SGMS1: variants seen among roughly 807,000 people sequenced by gnomAD.
The protein encoded by SGMS1 is sphingomyelin synthase 1.
Under a neutral mutation model 46.2 loss-of-function variants are expected in SGMS1, and 13 were observed. The observed-to-expected ratio is 0.28, with a 90% CI of 0.18 to 0.45. The LOEUF is 0.45. SGMS1 is among the 20% of genes least tolerant of loss of function. The pLI is 1.00. For synonymous variants in SGMS1, 203 were observed against 187.8 expected (o/e 1.08, Z -0.66); for missense variants, 324 against 519.9 (o/e 0.62, Z 3.66).
intron 6 of SGMS1, among the ~76,000 whole-genome samples, chr10:50,406,321 T>C (rs151081009): frequency 1.3e-5 from 2 of 152,348 alleles, no homozygotes; most frequent in Non-Finnish European, 2.9e-5. Flanking sequence ...ATCAGACTCC[T>C]GTCGGATGTG....
chr10:50,502,508 G>C (rs748093280), intron 3 of SGMS1, among the ~76,000 whole-genome samples: 7 of 152,024 alleles, frequency 4.6e-5, no homozygotes, highest in Non-Finnish European at 8.8e-5. Context: ...TCTCTATCTG[G>C]AAAGTTTAGT....
intron 5 of SGMS1, among the ~76,000 whole-genome samples, chr10:50,441,141 T>C (rs1489977573): frequency 6.6e-6 from 1 of 152,198 alleles, no homozygotes. Context: ...ATGCTTTCAT[T>C]TGTAGAACTT....
At chr10:50,408,448 A>C (rs1456023406) in intron 6 of SGMS1, among the ~76,000 whole-genome samples, 3 of 148,548 alleles carry the variant, frequency 2.0e-5, no homozygotes, top group South Asian at 2.1e-4. Flanking sequence ...AAAAAAAAAA[A>C]AAAAAAACAA....
intron 4 of SGMS1, among the ~76,000 whole-genome samples, chr10:50,463,282 T>C (rs1451764215): frequency 6.6e-6 from 1 of 152,132 alleles, no homozygotes; most frequent in Admixed American, 6.5e-5. Flanking sequence ...TGACAAAGTG[T>C]TAATATCCAG....
chr10:50,313,459 G>A lies in SGMS1; in HGVS notation c.742-2044C>T, dbSNP rs138877974. Among the ~76,000 whole-genome samples, 52 of 152,280 alleles carry A rather than the reference G, an allele frequency of 3.4e-4. 1 individual carries two copies. The highest frequency in any genetic ancestry group is 1.2e-3 in the African/African-American group (49 of 41,558). ...GAGTTGAAGGAGAATAGGAAAAGGC[G>A]CTGTTGGGGTCAGGACCAGGAGACT... On this transcript the variant is annotated intron_variant, in intron 8 of 10. Coordinates refer to ENST00000361781, the MANE Select transcript of SGMS1 (RefSeq NM_147156.4).
Position 50,307,532 on chromosome 10 carries a change from G to A in SGMS1, c.1063-211C>T, listed in dbSNP as rs971316360. On this transcript the variant is annotated intron_variant, in intron 10 of 10. Transcript: ENST00000361781. The surrounding 1 kb of genome is among the most constrained non-coding windows in gnomAD (Gnocchi z 4.2). ...AGAAAAACAACGCCAATTCTGGGAG[G>A]GCAAGGAGAACTTATGGCTCACTCA... 6.6e-6 allele frequency among the ~76,000 whole-genome samples: 1 copy of A among 151,944 alleles called. No homozygotes were observed. Among genetic ancestry groups the A allele is most frequent in the Non-Finnish European group, 1.5e-5 (1 of 68,010 alleles).
chr10:50,580,449 C>T lies in SGMS1; in HGVS notation c.-589+9704G>A, dbSNP rs568326820. On this transcript the variant is annotated intron_variant, in intron 2 of 10. Transcript: ENST00000361781. ...ACCCCCCCCCAAACCCCTCAACCCT[C>T]ACTTATAGAGACAAGGGAATCACCT... Among the ~76,000 whole-genome samples, 4 of 151,642 alleles carry T rather than the reference C, an allele frequency of 2.6e-5. No homozygotes were observed. The South Asian group carries it at 8.4e-4, about 32-fold the overall frequency.
chr10:50,608,366 A>G (rs1838716240), intron 1 of SGMS1, among the ~76,000 whole-genome samples: 1 of 152,202 alleles, frequency 6.6e-6, no homozygotes, highest in South Asian at 2.1e-4. Context: ...AAAGGGTAAG[A>G]GAAGAGGAGG....
chr10:50,372,806 G>A (rs1197962108), intron 6 of SGMS1, among the ~76,000 whole-genome samples: 1 of 152,154 alleles, frequency 6.6e-6, no homozygotes, highest in Non-Finnish European at 1.5e-5. Context: ...AAATCAGTGA[G>A]CCCTACTGGC....
chr10:50,624,268 A>G (rs1838891986), upstream of SGMS1: 1 of 355,740 alleles, frequency 2.8e-6, no homozygotes, highest in Non-Finnish European at 3.9e-6. Flanking sequence ...GCAGGGCCGG[A>G]GACGGGAGCC....
intron 6 of SGMS1, among the ~76,000 whole-genome samples, chr10:50,359,876 A>C (rs1031714530): frequency 2.6e-5 from 4 of 152,180 alleles, no homozygotes; most frequent in Non-Finnish European, 5.9e-5. Flanking sequence ...CATATTACAA[A>C]TATCCACAGG....
rs780405053 is a variant in SGMS1, at chr10:50,462,080, A to ATATGT, written c.-454-1267_-454-1266insACATA. Among the ~76,000 whole-genome samples the ATATGT allele has an allele frequency of 2.3e-3, 348 of 152,184 alleles. 2 individuals carry two copies. The highest frequency in any genetic ancestry group is 5.4e-3 in the South Asian group (26 of 4,820). ...ATTGCAGCACTAGCCTAGGCAACAA[A>ATATGT]ACGAGACCTCATATCTACAAAAAGA... On this transcript the variant is annotated intron_variant, in intron 4 of 10. Transcript: ENST00000361781.
intron 1 of SGMS1, among the ~76,000 whole-genome samples, chr10:50,603,320 C>A (rs1325195419): frequency 3.9e-5 from 6 of 152,204 alleles, no homozygotes; most frequent in Non-Finnish European, 7.3e-5. Context: ...AGGCTGCGCA[C>A]CACCAGGGCT....
chr10:50,430,661 T>C (rs1849394564), intron 6 of SGMS1, among the ~76,000 whole-genome samples: 1 of 152,188 alleles, frequency 6.6e-6, no homozygotes. Flanking sequence ...CATCTGCTCC[T>C]GAATCTCATC....
intron 3 of SGMS1, among the ~76,000 whole-genome samples, chr10:50,494,154 A>G (rs1461640024): frequency 1.3e-5 from 2 of 152,252 alleles, no homozygotes; most frequent in Non-Finnish European, 2.9e-5. Context: ...GTTCTAGAGA[A>G]AAAAGAATGT....
At chr10:50,439,375 T>C (rs958752108) in intron 5 of SGMS1, among the ~76,000 whole-genome samples, 1 of 152,088 alleles carries the variant, frequency 6.6e-6, no homozygotes, top group Non-Finnish European at 1.5e-5. Context: ...CATCAAATAA[T>C]CTGAAAGCTG....
Position 50,376,190 on chromosome 10 carries a change from C to T in SGMS1, c.-231-31845G>A, listed in dbSNP as rs114046849. Among the ~76,000 whole-genome samples the T allele has an allele frequency of 4.8e-3, 735 of 152,148 alleles. 8 individuals are homozygous for T. Among genetic ancestry groups the T allele is most frequent in the African/African-American group, 0.017 (686 of 41,528 alleles). On this transcript the variant is annotated intron_variant, in intron 6 of 10. Coordinates refer to ENST00000361781, the MANE Select transcript of SGMS1 (RefSeq NM_147156.4). ...CCATGTCTTCAGAGGGGGGTATGTT[C>T]GCTGTGGTGTGGGGATAGAGGATAT...
At chr10:50,366,277 C>T (rs991548188) in intron 6 of SGMS1, among the ~76,000 whole-genome samples, 20 of 152,006 alleles carry the variant, frequency 1.3e-4, no homozygotes, top group African/African-American at 3.1e-4. Context: ...GTTAGAGTGG[C>T]GATCATTAAA....
chr10:50,334,701 C>T (rs192426098), intron 7 of SGMS1: 4 of 152,296 alleles, frequency 2.6e-5, no homozygotes, highest in Non-Finnish European at 5.9e-5. Context: ...TATACATGTG[C>T]TATTCTAAAC....
Sources: allele counts gnomAD v4.1 joint callset (sites outside exome capture counted in the v4.1 genomes callset), GRCh38; gene constraint gnomAD v4.1.1; non-coding constraint Gnocchi (gnomAD v3.1); transcripts MANE v1.5; gene names NCBI Gene and HGNC (gene_info 2026-07-23, HGNC 2026-07-21).